Variants in IQCM observed in about 807,000 individuals in gnomAD.
The protein encoded by IQCM is IQ motif containing M, also known as IQ domain-containing protein M.
Under a neutral mutation model 57.6 loss-of-function variants are expected in IQCM, and 45 were observed. The ratio of observed to expected loss-of-function variants is 0.78; its 90% CI spans 0.62 to 1.00. IQCM has a LOEUF of 1.00. IQCM is among the 50% of genes least tolerant of loss of function. The pLI, the probability that IQCM is intolerant of heterozygous loss-of-function variation, is 0.00. For synonymous variants in IQCM, 148 were observed against 158.9 expected (o/e 0.93, Z 0.51); for missense variants, 468 against 511.6 (o/e 0.91, Z 0.82).
intron 7 of IQCM, among the ~76,000 whole-genome samples, chr4:149,658,452 G>A (rs1030647559): frequency 1.3e-5 from 2 of 151,974 alleles, no homozygotes; most frequent in Non-Finnish European, 2.9e-5. Flanking sequence ...CTCAAGCTTT[G>A]TACCTTTTAC....
chr4:149,675,487 A>C (rs544197058), intron 7 of IQCM, among the ~76,000 whole-genome samples: 1 of 152,108 alleles, frequency 6.6e-6, no homozygotes, highest in East Asian at 1.9e-4. Context: ...CAGGAAGGGG[A>C]AGGAAACATT....
At chr4:149,806,884 C>G (rs1374303499) in intron 2 of IQCM, among the ~76,000 whole-genome samples, 1 of 151,550 alleles carries the variant, frequency 6.6e-6, no homozygotes, top group Non-Finnish European at 1.5e-5. Context: ...TGACAGTGAT[C>G]GATCTTACAA....
At chr4:149,726,139 G>GAAAGA (rs1561204050) in intron 5 of IQCM, among the ~76,000 whole-genome samples, 1 of 126,972 alleles carries the variant, frequency 7.9e-6, no homozygotes, top group East Asian at 2.4e-4. Context: ...AAGAAAGAAA[G>GAAAGA]AAAAGAAAGA....
intron 12 of IQCM, among the ~76,000 whole-genome samples, chr4:149,545,941 T>C (rs1474862742): frequency 6.6e-6 from 1 of 152,096 alleles, no homozygotes; most frequent in Non-Finnish European, 1.5e-5. Flanking sequence ...TTACATTAGG[T>C]ATATCTCCTA....
intron 5 of IQCM, among the ~76,000 whole-genome samples, chr4:149,711,902 TA>T (rs770080282): frequency 9.9e-5 from 15 of 152,206 alleles, no homozygotes; most frequent in Non-Finnish European, 1.8e-4. Context: ...AGTAAGCATA[TA>T]AAACGCTTTT....
chr4:149,607,063 C>A (rs1429146865), intron 8 of IQCM, among the ~76,000 whole-genome samples: 2 of 151,754 alleles, frequency 1.3e-5, no homozygotes, highest in African/African-American at 4.8e-5. Flanking sequence ...ACAAGAAGCT[C>A]AAAGAATACC....
At chr4:149,430,916 T>C (rs921418407) in intron 13 of IQCM, among the ~76,000 whole-genome samples, 17 of 151,892 alleles carry the variant, frequency 1.1e-4, no homozygotes, top group Admixed American at 2.0e-4. Flanking sequence ...TTATAAAAAA[T>C]TGACCAGGCG....
chr4:149,505,232 G>A (rs1341531191), intron 12 of IQCM, among the ~76,000 whole-genome samples: 6 of 152,104 alleles, frequency 3.9e-5, no homozygotes, highest in East Asian at 3.9e-4. Context: ...TCAAACATAC[G>A]TACGAAAGAA....
intron 7 of IQCM, among the ~76,000 whole-genome samples, chr4:149,667,124 T>TC (rs1394331035): frequency 1.3e-5 from 2 of 152,090 alleles, no homozygotes; most frequent in African/African-American, 4.8e-5. Context: ...CCCCCATGCC[T>TC]CCTGTCTGGG....
At chr4:149,698,876 G>A (rs1230966881) in intron 5 of IQCM, among the ~76,000 whole-genome samples, 2 of 152,004 alleles carry the variant, frequency 1.3e-5, no homozygotes, top group Non-Finnish European at 2.9e-5. Flanking sequence ...TCTGAGCTCA[G>A]CTTCGTCTTT....
intron 2 of IQCM, among the ~76,000 whole-genome samples, chr4:149,761,793 GTTCC>G (rs1356837855): frequency 1.3e-5 from 2 of 152,070 alleles, no homozygotes; most frequent in Admixed American, 6.6e-5. Context: ...CAAAGAGCTA[GTTCC>G]TTAGAAATAT....
chr4:149,732,066 C>T (rs887025281), intron 5 of IQCM, among the ~76,000 whole-genome samples: 2 of 152,146 alleles, frequency 1.3e-5, no homozygotes, highest in Admixed American at 6.6e-5. Context: ...ACTCTCTCTA[C>T]AGTTTCTGCT....
intron 12 of IQCM, among the ~76,000 whole-genome samples, chr4:149,523,957 T>C (rs1425419328): frequency 6.6e-6 from 1 of 152,176 alleles, no homozygotes; most frequent in Non-Finnish European, 1.5e-5. Flanking sequence ...GCATATATAG[T>C]GTTTATAACA....
intron 7 of IQCM, among the ~76,000 whole-genome samples, chr4:149,642,500 A>C (rs1365193658): frequency 6.6e-6 from 1 of 152,156 alleles, no homozygotes; most frequent in Admixed American, 6.5e-5. Context: ...AATGACAAAA[A>C]GTATTTTCCT....
At chr4:149,741,636 A>C (rs556512748) in intron 3 of IQCM, among the ~76,000 whole-genome samples, 17 of 152,336 alleles carry the variant, frequency 1.1e-4, no homozygotes, top group African/African-American at 4.1e-4. Context: ...TGTCAGGGGT[A>C]ACAGGAGCCA....
intron 13 of IQCM, among the ~76,000 whole-genome samples, chr4:149,410,663 G>T (rs1428858241): frequency 6.6e-6 from 1 of 151,334 alleles, no homozygotes; most frequent in Admixed American, 6.6e-5. Context: ...AATTGCTCTT[G>T]TACCTTTGCC....
chr4:149,472,817 A>G (rs1739726324), intron 12 of IQCM, among the ~76,000 whole-genome samples: 1 of 152,118 alleles, frequency 6.6e-6, no homozygotes. Context: ...AAATAATACC[A>G]CACATCTACA....
intron 13 of IQCM, among the ~76,000 whole-genome samples, chr4:149,402,793 A>G (rs1341236995): frequency 6.6e-6 from 1 of 151,830 alleles, no homozygotes; most frequent in Non-Finnish European, 1.5e-5. Context: ...CTTTATTTTT[A>G]TGGTGCTTCA....
intron 7 of IQCM, among the ~76,000 whole-genome samples, chr4:149,637,144 C>A (rs1195014728): frequency 2.4e-5 from 3 of 126,008 alleles, no homozygotes; most frequent in East Asian, 2.2e-4. Flanking sequence ...AGCGAGACTC[C>A]GTCTCAAAAA....
Sources: allele counts gnomAD v4.1 joint callset (sites outside exome capture counted in the v4.1 genomes callset), GRCh38; gene constraint gnomAD v4.1.1; transcripts MANE v1.5; gene names NCBI Gene and HGNC (gene_info 2026-07-23, HGNC 2026-07-21).